CLIP1: variants seen among roughly 807,000 people sequenced by gnomAD.
CLIP1 encodes the protein CAP-Gly domain-containing linker protein 1.
In CLIP1, 66 loss-of-function variants were observed where a neutral mutation model predicts 161.6. The ratio of observed to expected loss-of-function variants is 0.41; its 90% confidence interval spans 0.33 to 0.50. The LOEUF is 0.50. Ranked by LOEUF, CLIP1 falls within the 20% of genes least tolerant of loss-of-function variation. The pLI, the probability that CLIP1 is intolerant of heterozygous loss-of-function variation, is 0.27. For synonymous variants in CLIP1, 598 were observed against 626.2 expected (o/e 0.96, Z 0.67); for missense variants, 1,376 against 1,702.0 (o/e 0.81, Z 3.37).
At chr12:122,308,402 T>G (rs369483318) in intron 20 of CLIP1, among the ~76,000 whole-genome samples, 1 of 152,234 alleles carries the variant, frequency 6.6e-6, no homozygotes, top group Non-Finnish European at 1.5e-5. Context: ...CCAAATGCTG[T>G]AGGTGTTTTA....
At chr12:122,363,479 G>A in intron 4 of CLIP1, among the ~76,000 whole-genome samples, 1 of 148,356 alleles carries the variant, frequency 6.7e-6, no homozygotes. Flanking sequence ...CCGGCCAACA[G>A]ACAGAGGCCC....
At chr12:122,293,096 T>C (rs1014110437) in intron 20 of CLIP1, among the ~76,000 whole-genome samples, 1 of 151,600 alleles carries the variant, frequency 6.6e-6, no homozygotes, top group East Asian at 1.9e-4. Context: ...AAAGAACTTG[T>C]ATCTAGAATA....
intron 12 of CLIP1, among the ~76,000 whole-genome samples, chr12:122,336,194 C>G (rs575548664): frequency 5.7e-4 from 87 of 152,244 alleles, no homozygotes; most frequent in African/African-American, 2.0e-3. Context: ...TTTAATTAGA[C>G]AGCAAGCATC....
At chr12:122,382,418 C>T (rs1219738186) in intron 1 of CLIP1, among the ~76,000 whole-genome samples, 2 of 151,086 alleles carry the variant, frequency 1.3e-5, no homozygotes, top group Non-Finnish European at 2.9e-5. Flanking sequence ...GTCCCAGTTA[C>T]TTGGAAGGCT....
intron 5 of CLIP1, among the ~76,000 whole-genome samples, chr12:122,357,979 G>A (rs899676342): frequency 5.3e-5 from 8 of 152,136 alleles, no homozygotes; most frequent in Non-Finnish European, 8.8e-5. Flanking sequence ...TGACAATGGC[G>A]GTTTTGTGGA....
rs1270753189 is a variant in CLIP1, at chr12:122,278,886, C to A, written c.3822G>T (p.Gln1274His). The change falls in exon 23 of 26, where the codon CAG (glutamine) becomes CAT (histidine). Residue 1274 changes from glutamine (Q) to histidine (H), a missense_variant. Gln to His is a conservative substitution (Grantham distance 24). Coordinates refer to ENST00000620786, the MANE Select transcript of CLIP1 (RefSeq NM_001247997.2). The part of the protein sequence containing the change: ...ASAKSLHSVV[Q>H]TLESDKVKLE... ...GCTTCACCTTATCAGACTCTAGAGT[C>A]TGAACAACTGAATGCAAGGACTTGG... 3 of 1,613,380 alleles carry A rather than the reference C, an allele frequency of 1.9e-6. No individual in the cohort carries two copies. Among genetic ancestry groups the A allele is most frequent in the Non-Finnish European group, 2.5e-6 (3 of 1,179,762 alleles).
rs747876389 is a variant in CLIP1, at chr12:122,377,401, T to A, written c.645A>T (p.Gly215=). ...TTTCTCTACTCACCAATACTCTGTC[T>A]CCGATTTTGAGCTCTCTTTCTCCTT... ...IKKGERELKI[G]DRVLVGGTKA... The change falls in exon 3 of 26, where the codon GGA becomes GGT. Residue 215 remains glycine (G), a synonymous_variant. Coordinates refer to ENST00000620786, the MANE Select transcript of CLIP1 (RefSeq NM_001247997.2). 3 of 1,613,326 alleles carry A rather than the reference T, an allele frequency of 1.9e-6. No individual in the cohort carries two copies. The South Asian group carries it at 3.3e-5, about 18-fold the overall frequency.
intron 19 of CLIP1, among the ~76,000 whole-genome samples, chr12:122,310,115 A>G (rs1189589796): frequency 1.3e-5 from 2 of 152,108 alleles, no homozygotes; most frequent in Non-Finnish European, 2.9e-5. Context: ...AATAAACCCT[A>G]TGCCCACCCT....
chr12:122,369,159 C>G (rs1954309862), intron 3 of CLIP1, among the ~76,000 whole-genome samples: 1 of 151,990 alleles, frequency 6.6e-6, no homozygotes, highest in Non-Finnish European at 1.5e-5. Context: ...GCTGGGATTA[C>G]AGGCATGTGC....
rs1420530550 is a variant in CLIP1 at position 122,357,059 on chromosome 12, C to T, written c.1006-1747G>A. ...GACTGCAGCCTCTGCCCAGCCGCCA[C>T]CCCGTCTGGGAAGTGAGGAGCCCCT... is the stretch of plus-strand genomic sequence containing the variant. On this transcript the variant is annotated intron_variant, in intron 5 of 25. Transcript: ENST00000620786. Among the ~76,000 whole-genome samples the T allele has an allele frequency of 5.3e-5, 8 of 152,230 alleles. No homozygotes were observed. The East Asian group carries it at 1.4e-3, about 26-fold the overall frequency.
chr12:122,411,443 T>C (rs1357412149), intron 1 of CLIP1, among the ~76,000 whole-genome samples: 1 of 152,058 alleles, frequency 6.6e-6, no homozygotes, highest in Admixed American at 6.6e-5. Context: ...AATTTATACA[T>C]GAATGCTCAC....
At chr12:122,332,640 C>T (rs551943542) in intron 15 of CLIP1, among the ~76,000 whole-genome samples, 26 of 152,194 alleles carry the variant, frequency 1.7e-4, no homozygotes, top group African/African-American at 6.0e-4. Context: ...AGGTTGGCCT[C>T]GAACTCCTGA....
Position 122,355,250 on chromosome 12 carries a change from G to A in CLIP1, c.1068C>T (p.Ala356=). 6.2e-7 allele frequency: 1 copy of A among 1,614,182 alleles called. No individual in the cohort carries two copies. The highest frequency in any genetic ancestry group is 2.2e-5 in the East Asian group (1 of 44,872). ...KISGTTALQE[A]LKEKQQHIEQ... Reference sequence around the variant, plus strand: ...CAATGTGCTGCTGCTTCTCCTTCAGGGCCTCCTGGAGGGCAGTGGTACCGG... The same window carrying A: ...CAATGTGCTGCTGCTTCTCCTTCAGAGCCTCCTGGAGGGCAGTGGTACCGG... The change falls in exon 6 of 26, where the codon GCC becomes GCT. Residue 356 remains alanine, a synonymous_variant. Transcript: ENST00000620786. This position sits in a 1 kb window ranked among gnomAD's most constrained non-coding sequence, Gnocchi z 4.1.
chr12:122,343,958 C>CTATA (rs1345146779), intron 10 of CLIP1: 1 of 152,204 alleles, frequency 6.6e-6, no homozygotes, highest in Non-Finnish European at 1.5e-5. Context: ...TGGTACATGC[C>CTATA]TATATACCTA....
At chr12:122,334,595 A>G (rs2136288544) in intron 13 of CLIP1, 53 bp downstream of exon 13, 2 of 1,216,594 alleles carry the variant, frequency 1.6e-6, no homozygotes, top group East Asian at 5.0e-5. Flanking sequence ...CAGCTCCAGT[A>G]TGAAAGAATG....
rs759310267 is a variant in CLIP1 at position 122,333,141 on chromosome 12, T to C, written c.2713A>G (p.Met905Val). 1.9e-6 allele frequency: 3 copies of C among 1,607,310 alleles called. No homozygotes were observed. The African/African-American group carries it at 4.0e-5, about 22-fold the overall frequency. ...TCTTTCTCTCTAAATTTTGCCTCCATATCTAAATATATAGAGAAAAAAAGA... is the reference window on the plus strand; with the variant it reads ...TCTTTCTCTCTAAATTTTGCCTCCACATCTAAATATATAGAGAAAAAAAGA... ...LEKLRENLAD[M>V]EAKFREKDER... The change falls in exon 15 of 26, where the codon ATG becomes GTG. Residue 905 changes from methionine (M) to valine (V), a missense_variant and splice_region_variant. Around this residue, in one of 6 missense-constraint regions of CLIP1, gnomAD observed 948 missense variants for 1,134.8 expected, o/e 0.84. Coordinates refer to ENST00000620786, the MANE Select transcript of CLIP1 (RefSeq NM_001247997.2).
At chr12:122,421,324 A>G (rs914970968) in intron 1 of CLIP1, among the ~76,000 whole-genome samples, 1 of 152,014 alleles carries the variant, frequency 6.6e-6, no homozygotes, top group African/African-American at 2.4e-5. Flanking sequence ...GCTAAAGGTT[A>G]TCATTAAATC....
chr12:122,334,348 T>G (rs1198079206), intron 13 of CLIP1, among the ~76,000 whole-genome samples: 1 of 152,162 alleles, frequency 6.6e-6, no homozygotes, highest in African/African-American at 2.4e-5. Context: ...TCCACTCATC[T>G]CTCTTTCCTC....
At chr12:122,277,943 T>C in intron 24 of CLIP1, 1 of 562,280 alleles carries the variant, frequency 1.8e-6, no homozygotes, top group Non-Finnish European at 3.1e-6. Flanking sequence ...GTTTGCAGGG[T>C]TGGGAACTGA....
Sources: gnomAD v4.1 joint callset for allele counts (sites outside exome capture counted in the v4.1 genomes callset) on GRCh38, gnomAD v4.1.1 for gene constraint, gnomAD v4.1.1 regional missense constraint, Gnocchi (gnomAD v3.1) non-coding constraint, MANE v1.5 for transcripts, NCBI Gene and HGNC (gene_info 2026-07-23, HGNC 2026-07-21) for gene names.